ZNF441: variants seen among roughly 807,000 people sequenced by gnomAD.
ZNF441 encodes zinc finger protein 441.
Under a neutral mutation model 64.5 loss-of-function variants are expected in ZNF441, and 25 were observed. That is an observed-to-expected ratio of 0.39 (90% CI 0.28 to 0.54). ZNF441 has a LOEUF of 0.54. ZNF441 is among the 20% of genes least tolerant of loss of function. The pLI is 0.70. For synonymous variants in ZNF441, 262 were observed against 268.0 expected (o/e 0.98, Z 0.22); for missense variants, 715 against 843.3 (o/e 0.85, Z 1.88).
chr19:11,768,257 T>C (rs998275348), intron 1 of ZNF441, among the ~76,000 whole-genome samples: 2 of 152,234 alleles, frequency 1.3e-5, no homozygotes, highest in African/African-American at 2.4e-5. Context: ...CAGTTTATTT[T>C]TCAAACAGAG....
Position 11,782,036 on chromosome 19 carries a change from TC to T in ZNF441, c.*131del. On this transcript the variant is annotated 3_prime_UTR_variant, in exon 4 of 4. Transcript: ENST00000357901. ...AATGTACTAAAACCTTCCATTTTTT[TC>T]AGTACCTTTTGAAAACATGACCAAA... 3.0e-6 allele frequency: 2 copies of T among 671,026 alleles called. No individual in the cohort carries two copies. Among genetic ancestry groups the T allele is most frequent in the Admixed American group, 3.5e-5 (1 of 28,360 alleles). The allele number at this position is 671,026 out of a possible 1,614,324, so 41.6% of individuals were successfully genotyped here.
At chr19:11,772,069 C>T (rs965892718) in intron 1 of ZNF441, among the ~76,000 whole-genome samples, 21 of 152,178 alleles carry the variant, frequency 1.4e-4, no homozygotes, top group African/African-American at 4.3e-4. Context: ...GAAATAATGG[C>T]GTAAGCTGTC....
At chr19:11,779,817 G>A (rs1975383724) in intron 3 of ZNF441, among the ~76,000 whole-genome samples, 1 of 151,416 alleles carries the variant, frequency 6.6e-6, no homozygotes, top group African/African-American at 2.4e-5. Flanking sequence ...AGGCTGGGGT[G>A]GGAGGATGGT....
At chr19:11,771,866 T>C (rs1345386643) in intron 1 of ZNF441, among the ~76,000 whole-genome samples, 1 of 152,208 alleles carries the variant, frequency 6.6e-6, no homozygotes, top group African/African-American at 2.4e-5. Context: ...AGACTGCTCC[T>C]CCACCTCTTG....
At position 11,770,949 on chromosome 19, in the gene ZNF441, A is replaced by AT. The variant is rs746399213; in HGVS notation, c.3+3755dup. Among the ~76,000 whole-genome samples, 1,237 of 148,992 alleles carry AT rather than the reference A, an allele frequency of 8.3e-3. 21 individuals carry two copies. The highest frequency in any genetic ancestry group is 0.029 in the African/African-American group (1,185 of 40,494). ...CTCTGTTTCAAAAAAAAAAAAAAAA[A>AT]TTGAATGCAATCTCTAGAAAGCAAA... On this transcript the variant is annotated intron_variant, in intron 1 of 3. Coordinates refer to ENST00000357901, the MANE Select transcript of ZNF441 (RefSeq NM_152355.3).
chr19:11,779,073 C>G (rs958186310), intron 3 of ZNF441, among the ~76,000 whole-genome samples: 4 of 152,174 alleles, frequency 2.6e-5, no homozygotes, highest in African/African-American at 9.7e-5. Context: ...GTAATCCCAA[C>G]TATTTGGGAA....
chr19:11,770,310 G>A (rs573272138), intron 1 of ZNF441, among the ~76,000 whole-genome samples: 9 of 152,098 alleles, frequency 5.9e-5, no homozygotes, highest in East Asian at 1.9e-4. Context: ...GGGGGAAACC[G>A]CCCCCATGAT....
Position 11,781,392 on chromosome 19 carries a change from G to T in ZNF441, c.1568G>T (p.Arg523Ile), listed in dbSNP as rs189720301. ...CCCAGTTCATTTCGAAGACATGAAA[G>T]AATTCACACTGGGGAGAGACCCTAT... ...DSPSSFRRHE[R>I]IHTGERPYKC... The change falls in exon 4 of 4, where the codon AGA becomes ATA. Residue 523 changes from arginine (R) to isoleucine (I), a missense_variant. This residue lies in a region of ZNF441 where 316 missense variants were observed against 429.3 expected (regional missense o/e 0.74). Coordinates refer to ENST00000357901, the MANE Select transcript of ZNF441 (RefSeq NM_152355.3). The T allele has an allele frequency of 2.2e-5, 36 of 1,614,018 alleles. No individual in the cohort carries two copies. The African/African-American group carries it at 2.8e-4, about 13-fold the overall frequency.
At chr19:11,768,653 C>A (rs2145076252) in intron 1 of ZNF441, among the ~76,000 whole-genome samples, 1 of 152,212 alleles carries the variant, frequency 6.6e-6, no homozygotes, top group East Asian at 1.9e-4. Flanking sequence ...CCAGAGGACA[C>A]CCTGAGGTGG....
intron 1 of ZNF441, among the ~76,000 whole-genome samples, chr19:11,770,250 CTT>C (rs1675647716): frequency 6.6e-6 from 1 of 152,070 alleles, no homozygotes; most frequent in Admixed American, 6.6e-5. Flanking sequence ...CTGTCAAACA[CTT>C]ATAAAACCGT....
intron 1 of ZNF441, among the ~76,000 whole-genome samples, chr19:11,771,793 G>A (rs1975315762): frequency 6.6e-6 from 1 of 152,214 alleles, no homozygotes; most frequent in Non-Finnish European, 1.5e-5. Flanking sequence ...AAAGTGTCAA[G>A]GAACACCCAC....
intron 2 of ZNF441, 105 bp from the exon 3 acceptor site, chr19:11,778,225 T>C (rs1399658074): frequency 1.3e-6 from 1 of 776,254 alleles, no homozygotes; most frequent in Non-Finnish European, 2.1e-6. Context: ...GACTCAGCTG[T>C]AGTTTGGTGT....
At position 11,777,595 on chromosome 19, in the gene ZNF441, A is replaced by G; in HGVS notation, c.4-16A>G. On this transcript the variant is annotated splice_polypyrimidine_tract_variant and intron_variant, in intron 1 of 3. Coordinates refer to ENST00000357901, the MANE Select transcript of ZNF441 (RefSeq NM_152355.3). ...CAGTTTTAATATTCCTCCTCTGCAC[A>G]TGTGAAATATTTCAGGACTCAGTGG... is the stretch of plus-strand genomic sequence containing the variant. 6.2e-7 allele frequency: 1 copy of G among 1,608,064 alleles called. No individual in the cohort carries two copies. The highest frequency in any genetic ancestry group is 8.5e-7 in the Non-Finnish European group (1 of 1,177,110).
At position 11,780,248 on chromosome 19, in the gene ZNF441, A is replaced by T; in HGVS notation, c.424A>T (p.Thr142Ser). The T allele has an allele frequency of 6.2e-7, 1 of 1,614,184 alleles. No homozygotes were observed. Among genetic ancestry groups the T allele is most frequent in the Non-Finnish European group, 8.5e-7 (1 of 1,179,998 alleles). Reference sequence around the variant, plus strand: ...TCAAGAATATGGAGAGAAGCCATATACACATACACAATGTGGGACAGCTTT... The same window carrying T: ...TCAAGAATATGGAGAGAAGCCATATTCACATACACAATGTGGGACAGCTTT... Reference protein sequence around the residue: ...EYQEYGEKPYTHTQCGTAFSY... With the variant: ...EYQEYGEKPYSHTQCGTAFSY... Residue 142 changes from threonine to serine, a missense_variant, in exon 4 of 4, where the codon ACA becomes TCA. This residue lies in a region of ZNF441 where 399 missense variants were observed against 413.9 expected (regional missense o/e 0.96). Coordinates refer to ENST00000357901, the MANE Select transcript of ZNF441 (RefSeq NM_152355.3).
At position 11,767,950 on chromosome 19, in the gene ZNF441, T is replaced by TC. The variant is rs1482958401; in HGVS notation, c.3+755dup. On this transcript the variant is annotated intron_variant, in intron 1 of 3. Transcript: ENST00000357901. This position sits in a 1 kb window ranked among gnomAD's most constrained non-coding sequence, Gnocchi z 5.1. ...TCTCGCCTCCAGCCTGGCTCGCAGT[T>TC]CTGTGAACCCGGTGAGGAGGCTGCA... Among the ~76,000 whole-genome samples the TC allele has an allele frequency of 5.1e-4, 77 of 152,188 alleles. No homozygotes were observed. Among genetic ancestry groups the TC allele is most frequent in the African/African-American group, 2.2e-4 (9 of 41,444 alleles).
At chr19:11,771,026 A>C (rs1230680705) in intron 1 of ZNF441, among the ~76,000 whole-genome samples, 2 of 152,242 alleles carry the variant, frequency 1.3e-5, no homozygotes, top group East Asian at 3.8e-4. Context: ...TAAAGAAAGA[A>C]TAGCAGGATA....
At chr19:11,769,233 A>C (rs114389124) in intron 1 of ZNF441, among the ~76,000 whole-genome samples, 2,151 of 152,336 alleles carry the variant, frequency 0.014, 48 homozygotes, top group African/African-American at 0.05. Context: ...CTGAGTAAAA[A>C]TTAATGAAAA....
chr19:11,778,535 T>G (rs1445322355), intron 3 of ZNF441, 142 bp downstream of exon 3: 2 of 635,046 alleles, frequency 3.1e-6, no homozygotes, highest in Non-Finnish European at 5.4e-6. Context: ...CATAGCTCGC[T>G]GTAGCCTCGG....
rs942493877 is a variant in ZNF441, at chr19:11,783,396, T to C, written c.*1490T>C. On this transcript the variant is annotated 3_prime_UTR_variant, in exon 4 of 4. Transcript: ENST00000357901. ...TGTAGATTTCTCAAAAACCTAAAAA[T>C]AGAACCACCACATGATCCAGCAAAC... 1 of 152,072 alleles carries C rather than the reference T, an allele frequency of 6.6e-6. No homozygotes were observed. The highest frequency in any genetic ancestry group is 1.5e-5 in the Non-Finnish European group (1 of 67,994). 9.4% of individuals were successfully genotyped at this position (152,072 alleles called of 1,614,324 possible).
Sources: allele counts gnomAD v4.1 joint callset (sites outside exome capture counted in the v4.1 genomes callset), GRCh38; gene constraint gnomAD v4.1.1; regional missense constraint gnomAD v4.1.1; non-coding constraint Gnocchi (gnomAD v3.1); transcripts MANE v1.5; gene names NCBI Gene and HGNC (gene_info 2026-07-23, HGNC 2026-07-21).